The following TTC28 variants were observed in gnomAD, a reference collection of about 807,000 sequenced individuals.
The protein encoded by TTC28 is tetratricopeptide repeat protein 28.
In TTC28, 61 loss-of-function variants were observed where a neutral mutation model predicts 198.0. That is an observed-to-expected ratio of 0.31 (90% confidence interval 0.25 to 0.38). The LOEUF (loss-of-function observed/expected upper bound fraction) is 0.38. Among genes scored for constraint, TTC28 ranks in the 10% least tolerant of loss-of-function variants. TTC28 has a pLI of 1.00. For synonymous variants in TTC28, 1,171 were observed against 1,297.8 expected (o/e 0.90, Z 2.10); for missense variants, 2,678 against 3,164.0 (o/e 0.85, Z 3.69).
In TTC28 at chr22:28,073,960, G is replaced by C. The variant is rs115352827; in HGVS notation, c.3932+20120C>G. ...TGGGATGCTACATGGCATTATTGGA[G>C]GAAAACCTGGACAGTACTGTGTGAG... On this transcript the variant is annotated intron_variant, in intron 12 of 22. Transcript: ENST00000397906. Among the ~76,000 whole-genome samples the C allele has an allele frequency of 3.0e-3, 464 of 152,310 alleles. 6 individuals are homozygous for C. Among genetic ancestry groups the C allele is most frequent in the African/African-American group, 0.011 (444 of 41,564 alleles).
intron 1 of TTC28, among the ~76,000 whole-genome samples, chr22:28,631,989 A>G (rs1436248560): frequency 6.6e-6 from 1 of 152,166 alleles, no homozygotes; most frequent in Non-Finnish European, 1.5e-5. Context: ...CTTTAAGATC[A>G]AGTCCAGTAC....
At chr22:28,663,305 G>A (rs1289688292) in intron 1 of TTC28, among the ~76,000 whole-genome samples, 5 of 151,134 alleles carry the variant, frequency 3.3e-5, no homozygotes, top group East Asian at 3.9e-4. Flanking sequence ...CAAGATGGCC[G>A]AATAGGAACA....
At chr22:28,414,625 T>C (rs2047140412) in intron 2 of TTC28, among the ~76,000 whole-genome samples, 1 of 152,146 alleles carries the variant, frequency 6.6e-6, no homozygotes, top group African/African-American at 2.4e-5. Context: ...TAATTTTCTA[T>C]CCAAGCATTT....
intron 16 of TTC28, chr22:27,998,298 T>C: frequency 1.6e-6 from 1 of 624,830 alleles, no homozygotes; most frequent in Non-Finnish European, 2.7e-6. Flanking sequence ...TCAGGAGGAG[T>C]TTCACATTCA....
At chr22:28,616,247 G>C (rs1269628286) in intron 2 of TTC28, among the ~76,000 whole-genome samples, 1 of 152,132 alleles carries the variant, frequency 6.6e-6, no homozygotes, top group African/African-American at 2.4e-5. Flanking sequence ...TCCTAGACAA[G>C]TATACAATCT....
chr22:28,276,832 G>A (rs1018543278), intron 5 of TTC28, among the ~76,000 whole-genome samples: 19 of 152,064 alleles, frequency 1.2e-4, no homozygotes, highest in African/African-American at 4.6e-4. Context: ...TATAAATTCT[G>A]ATCAACATAG....
intron 12 of TTC28, among the ~76,000 whole-genome samples, chr22:28,059,310 A>T (rs1940416308): frequency 6.6e-6 from 1 of 151,938 alleles, no homozygotes; most frequent in Admixed American, 6.6e-5. Context: ...CATTTATTAG[A>T]AATACATTTA....
chr22:28,307,112 A>T (rs2045162009), intron 2 of TTC28, among the ~76,000 whole-genome samples: 1 of 152,160 alleles, frequency 6.6e-6, no homozygotes, highest in Non-Finnish European at 1.5e-5. Context: ...ATTACTTTTA[A>T]GATAATTTTA....
At chr22:28,264,087 G>A (rs972346147) in intron 5 of TTC28, among the ~76,000 whole-genome samples, 1 of 152,142 alleles carries the variant, frequency 6.6e-6, no homozygotes, top group Non-Finnish European at 1.5e-5. Context: ...TGTGTCGCCA[G>A]CCAAATCTCA....
At chr22:28,135,323 A>G (rs1943174951) in intron 6 of TTC28, among the ~76,000 whole-genome samples, 1 of 152,220 alleles carries the variant, frequency 6.6e-6, no homozygotes, top group Admixed American at 6.5e-5. Flanking sequence ...GCTTATTTAT[A>G]TTATAATAGG....
intron 21 of TTC28, 197 bp from the exon 22 acceptor site, chr22:27,985,553 A>T: frequency 2.1e-6 from 1 of 484,328 alleles, no homozygotes; most frequent in Non-Finnish European, 3.8e-6. Context: ...CACCCAGAAC[A>T]TCCACTCTAC....
intron 2 of TTC28, among the ~76,000 whole-genome samples, chr22:28,400,820 T>G (rs761288323): frequency 6.6e-6 from 1 of 152,238 alleles, no homozygotes; most frequent in African/African-American, 2.4e-5. Flanking sequence ...CACTTTTTAA[T>G]GCATTTCTAG....
chr22:28,204,196 C>T (rs1298317022), intron 5 of TTC28, among the ~76,000 whole-genome samples: 4 of 152,176 alleles, frequency 2.6e-5, no homozygotes, highest in Admixed American at 6.5e-5. Context: ...CGCAAGCTTC[C>T]CCAGAGAAAG....
At chr22:28,194,398 C>CA (rs1260123476) in intron 5 of TTC28, among the ~76,000 whole-genome samples, 2 of 152,074 alleles carry the variant, frequency 1.3e-5, no homozygotes, top group Admixed American at 1.3e-4. Context: ...CAAACACATT[C>CA]AAAAGCTAAC....
chr22:28,379,766 T>C (rs985687730), intron 2 of TTC28, among the ~76,000 whole-genome samples: 2 of 152,314 alleles, frequency 1.3e-5, no homozygotes, highest in Non-Finnish European at 2.9e-5. Flanking sequence ...TGGTAAATTT[T>C]ATGTTATGTG....
At chr22:28,614,943 T>C (rs1434372651) in intron 2 of TTC28, among the ~76,000 whole-genome samples, 3 of 152,054 alleles carry the variant, frequency 2.0e-5, no homozygotes, top group Admixed American at 2.0e-4. Context: ...AATTGACAAA[T>C]AGGATCTAAT....
intron 12 of TTC28, among the ~76,000 whole-genome samples, chr22:28,072,635 T>C (rs1169030758): frequency 3.9e-5 from 6 of 152,156 alleles, no homozygotes; most frequent in Non-Finnish European, 7.4e-5. Flanking sequence ...TACCCCCCTG[T>C]GTAAGCAATT....
At chr22:28,351,667 T>C (rs897068675) in intron 2 of TTC28, among the ~76,000 whole-genome samples, 1 of 152,170 alleles carries the variant, frequency 6.6e-6, no homozygotes, top group African/African-American at 2.4e-5. Context: ...AGAAAAATGG[T>C]CTCTGCCTGA....
intron 2 of TTC28, among the ~76,000 whole-genome samples, chr22:28,436,125 C>T (rs1218660531): frequency 1.3e-5 from 2 of 152,128 alleles, no homozygotes; most frequent in Non-Finnish European, 1.5e-5. Flanking sequence ...GAGTCACCCT[C>T]GTTACTAATG....
Sources: gnomAD v4.1 joint callset for allele counts (sites outside exome capture counted in the v4.1 genomes callset) on GRCh38, gnomAD v4.1.1 for gene constraint, MANE v1.5 for transcripts, NCBI Gene and HGNC (gene_info 2026-07-23, HGNC 2026-07-21) for gene names.